PID1: variants seen among roughly 807,000 people sequenced by gnomAD.
PID1 encodes phosphotyrosine interaction domain containing 1, also known as PTB-containing, cubilin and LRP1-interacting protein.
A neutral mutation model predicts 19.1 loss-of-function variants in PID1; 10 were observed. That is an observed-to-expected ratio of 0.52 (90% CI 0.32 to 0.89). PID1 has a LOEUF of 0.89. Ranked by LOEUF, PID1 falls within the 40% of genes least tolerant of loss-of-function variation. The probability of loss-of-function intolerance (pLI) is 0.03; values close to 1 mark genes in which losing one functional copy is unlikely to be tolerated. For synonymous variants in PID1, 130 were observed against 116.0 expected (o/e 1.12, Z -0.78); for missense variants, 248 against 285.3 (o/e 0.87, Z 0.94).
chr2:229,084,494 C>T lies in PID1; in HGVS notation c.178-58386G>A, dbSNP rs918612358. 2.6e-5 allele frequency among the ~76,000 whole-genome samples: 4 copies of T among 152,188 alleles called. No homozygotes were observed. The East Asian group carries it at 7.7e-4, about 29-fold the overall frequency. ...GATTGAGCTGGCAATAGTGATTTGA[C>T]TTAGCTGGTGGGTTTACAGGCATAT... On this transcript the variant is annotated intron_variant, in intron 2 of 2. Coordinates refer to ENST00000392055, the MANE Select transcript of PID1 (RefSeq NM_001100818.2).
intron 2 of PID1, among the ~76,000 whole-genome samples, chr2:229,126,095 C>T (rs1275760697): frequency 2.0e-5 from 3 of 152,098 alleles, no homozygotes; most frequent in Non-Finnish European, 4.4e-5. Context: ...GACTACATCA[C>T]GAGTTTGCAA....
At chr2:229,207,784 C>A (rs143301948) in intron 1 of PID1, among the ~76,000 whole-genome samples, 636 of 152,092 alleles carry the variant, frequency 4.2e-3, no homozygotes, top group Admixed American at 8.3e-3. Flanking sequence ...ACTGCCTTCA[C>A]CTTTAGAACC....
intron 2 of PID1, among the ~76,000 whole-genome samples, chr2:229,028,879 CCTATTATCAGTTCTACTAATAAGTGG>C (rs1030886010): frequency 3.9e-5 from 6 of 152,200 alleles, no homozygotes; most frequent in East Asian, 1.9e-4. Context: ...ATCCTATTAT[CCTATTATCAGTTCTACTAATAAGTGG>C]CTATTATCAG....
rs184143270 is a variant in PID1 at position 229,065,219 on chromosome 2, G to A, written c.178-39111C>T. Reference sequence around the variant, plus strand: ...CCTGAAGGAAACTCTTCTTTTGACCGCCAGCCAAAATCCAGGATTCTATAG... The same window carrying A: ...CCTGAAGGAAACTCTTCTTTTGACCACCAGCCAAAATCCAGGATTCTATAG... On this transcript the variant is annotated intron_variant, in intron 2 of 2. Transcript: ENST00000392055. Among the ~76,000 whole-genome samples the A allele has an allele frequency of 1.1e-4, 17 of 152,156 alleles. 1 individual carries two copies. In the East Asian group the frequency reaches 2.5e-3, roughly 22 times the overall value.
At chr2:229,154,332 T>A (rs1399928149) in intron 2 of PID1, among the ~76,000 whole-genome samples, 1 of 152,082 alleles carries the variant, frequency 6.6e-6, no homozygotes, top group Non-Finnish European at 1.5e-5. Context: ...CATTCCCTGT[T>A]GTTCCCAAAC....
intron 2 of PID1, among the ~76,000 whole-genome samples, chr2:229,052,370 G>A (rs1694013326): frequency 6.6e-6 from 1 of 152,090 alleles, no homozygotes; most frequent in Admixed American, 6.6e-5. Context: ...ACTGGATATA[G>A]GGGGAAATTC....
chr2:229,063,083 C>T (rs1469755040), intron 2 of PID1, among the ~76,000 whole-genome samples: 1 of 151,972 alleles, frequency 6.6e-6, no homozygotes, highest in Non-Finnish European at 1.5e-5. Flanking sequence ...TGTAGCTGCA[C>T]TGACCTTTTC....
intron 1 of PID1, among the ~76,000 whole-genome samples, chr2:229,216,141 G>C (rs896274880): frequency 2.0e-5 from 3 of 152,160 alleles, no homozygotes; most frequent in African/African-American, 4.8e-5. Context: ...TCAATACTTG[G>C]CCTTGTGATT....
At chr2:229,113,764 C>T (rs1437962329) in intron 2 of PID1, among the ~76,000 whole-genome samples, 2 of 151,998 alleles carry the variant, frequency 1.3e-5, no homozygotes, top group Non-Finnish European at 2.9e-5. Flanking sequence ...CCTCAGAGAA[C>T]CTCAATCAGC....
chr2:229,108,947 C>T (rs893956758), intron 2 of PID1, among the ~76,000 whole-genome samples: 3 of 152,120 alleles, frequency 2.0e-5, no homozygotes, highest in Admixed American at 2.0e-4. Context: ...AATTGGGATA[C>T]TTCTAAAAGG....
At chr2:229,241,254 T>C (rs1689859506) in intron 1 of PID1, among the ~76,000 whole-genome samples, 1 of 152,156 alleles carries the variant, frequency 6.6e-6, no homozygotes, top group South Asian at 2.1e-4. Flanking sequence ...ATTTTTTTAG[T>C]TTACACTGAC....
At chr2:229,148,526 T>C (rs1322658833) in intron 2 of PID1, among the ~76,000 whole-genome samples, 4 of 152,090 alleles carry the variant, frequency 2.6e-5, no homozygotes, top group Non-Finnish European at 5.9e-5. Flanking sequence ...GACGAGGAGA[T>C]TCCTCCGGTT....
chr2:229,229,459 C>T (rs1337930947), intron 1 of PID1, among the ~76,000 whole-genome samples: 2 of 130,966 alleles, frequency 1.5e-5, no homozygotes, highest in Non-Finnish European at 3.3e-5. Context: ...AAGACGAAAC[C>T]GCATCTCTAC....
chr2:229,084,968 T>C (rs1012014251), intron 2 of PID1, among the ~76,000 whole-genome samples: 2 of 152,168 alleles, frequency 1.3e-5, no homozygotes, highest in East Asian at 3.9e-4. Flanking sequence ...GAGTCACCTC[T>C]TTTTAAAACT....
At chr2:229,086,949 G>C (rs1197082462) in intron 2 of PID1, among the ~76,000 whole-genome samples, 1 of 131,914 alleles carries the variant, frequency 7.6e-6, no homozygotes, top group South Asian at 2.6e-4. Context: ...TGAGAAGGCA[G>C]TCAGTGACTA....
chr2:229,245,509 TA>T (rs1010248233), intron 1 of PID1, among the ~76,000 whole-genome samples: 1 of 152,156 alleles, frequency 6.6e-6, no homozygotes, highest in African/African-American at 2.4e-5. Context: ...TTGTGCACAT[TA>T]CATTAAAAAT....
rs555038211 is a variant in PID1 at position 229,239,511 on chromosome 2, T to C, written c.30+31503A>G. On this transcript the variant is annotated intron_variant, in intron 1 of 2. Transcript: ENST00000392055. ...CCTGAGAGCCTCAATGTTGGCTATG[T>C]AGAGATTTCAAACTCTGCTGTGGAA... 2.1e-3 allele frequency among the ~76,000 whole-genome samples: 324 copies of C among 152,226 alleles called. 1 individual carries two copies. The highest frequency in any genetic ancestry group is 3.7e-3 in the Non-Finnish European group (250 of 67,990).
intron 2 of PID1, among the ~76,000 whole-genome samples, chr2:229,080,606 A>G (rs76935682): frequency 9.8e-5 from 15 of 152,322 alleles, no homozygotes; most frequent in Admixed American, 3.3e-4. Context: ...AATTTAATGC[A>G]TGTCTTTCTC....
In PID1 at chr2:229,025,941, G is replaced by C; in HGVS notation, c.345C>G (p.Leu115=). ...IRPFQVWLHH[L]DHKGEATVHM... ...GCACTGTGGCCTCCCCTTTGTGGTC[G>C]AGATGATGGAGCCAAACTTGGAATG... The change falls in exon 3 of 3, where the codon CTC becomes CTG. Residue 115 remains leucine (L), a synonymous_variant. Coordinates refer to ENST00000392055, the MANE Select transcript of PID1 (RefSeq NM_001100818.2). 6.2e-7 allele frequency: 1 copy of C among 1,614,160 alleles called. No homozygotes were observed. The highest frequency in any genetic ancestry group is 8.5e-7 in the Non-Finnish European group (1 of 1,180,012).
Sources: allele counts gnomAD v4.1 joint callset (sites outside exome capture counted in the v4.1 genomes callset), GRCh38; gene constraint gnomAD v4.1.1; transcripts MANE v1.5; gene names NCBI Gene and HGNC (gene_info 2026-07-23, HGNC 2026-07-21).